Variants in LY6S observed in about 807,000 individuals in gnomAD.
LY6S encodes lymphocyte antigen 6 family member S.
At chr8:143,060,514 C>T in the LY6S span, among the ~76,000 whole-genome samples, 22 of 152,300 alleles carry the variant, frequency 1.4e-4, no homozygotes, top group African/African-American at 4.8e-4. Flanking sequence ...TCTCTCTCTC[C>T]GCCTCGGCTA....
chr8:143,042,891 G>C, the LY6S span: 1 of 704,816 alleles, frequency 1.4e-6, no homozygotes, highest in South Asian at 1.5e-5. Context: ...GTGTTGTTGG[G>C]GGGCATGGGC....
At chr8:143,065,300 T>A in the LY6S span, among the ~76,000 whole-genome samples, 1 of 152,274 alleles carries the variant, frequency 6.6e-6, no homozygotes. Context: ...ACTGTCAGGT[T>A]TGGGAGGTTT....
At chr8:143,051,230 T>A in the LY6S span, among the ~76,000 whole-genome samples, 2 of 152,150 alleles carry the variant, frequency 1.3e-5, no homozygotes, top group African/African-American at 4.8e-5. Flanking sequence ...GCCCATTCTC[T>A]TGACGTAAAT....
the LY6S span, among the ~76,000 whole-genome samples, chr8:143,062,965 T>C: frequency 6.6e-6 from 1 of 152,234 alleles, no homozygotes; most frequent in East Asian, 1.9e-4. Context: ...TCCATTGTTA[T>C]GACAGCTTGG....
At chr8:143,046,467 A>G in the LY6S span, among the ~76,000 whole-genome samples, 4 of 151,892 alleles carry the variant, frequency 2.6e-5, no homozygotes, top group African/African-American at 9.7e-5. Flanking sequence ...AGTCCCAGCT[A>G]CTTGGGAGGC....
At chr8:143,043,383 G>T in the LY6S span, 1 of 541,770 alleles carries the variant, frequency 1.8e-6, no homozygotes, top group East Asian at 7.0e-5. Flanking sequence ...CTGCCCCGGG[G>T]CCTCAGGGGC....
At chr8:143,041,634 G>A in the LY6S span, among the ~76,000 whole-genome samples, 8 of 152,146 alleles carry the variant, frequency 5.3e-5, no homozygotes, top group Admixed American at 3.3e-4. Context: ...GGTATTGATT[G>A]GGGAAGTGAT....
chr8:143,066,001 A>G, the LY6S span: 1 of 354,838 alleles, frequency 2.8e-6, no homozygotes, highest in South Asian at 2.4e-5. Context: ...GCTTCATGAG[A>G]TCCATTCCTG....
chr8:143,044,285 C>T, the LY6S span: 1 of 454,514 alleles, frequency 2.2e-6, no homozygotes, highest in South Asian at 1.6e-5. Flanking sequence ...CACTGGGGTC[C>T]CCAGAGTAGC....
At chr8:143,042,915 C>G in the LY6S span, 1 of 1,035,946 alleles carries the variant, frequency 9.7e-7, no homozygotes, top group Non-Finnish European at 1.4e-6. Flanking sequence ...AGGGCCTGGG[C>G]CCAGAGGACA....
chr8:143,066,937 A>G, the LY6S span, among the ~76,000 whole-genome samples: 1 of 152,176 alleles, frequency 6.6e-6, no homozygotes, highest in Non-Finnish European at 1.5e-5. Context: ...TCATGGGGAA[A>G]AGGCCTCAAA....
chr8:143,059,071 T>A, the LY6S span, among the ~76,000 whole-genome samples: 2 of 152,234 alleles, frequency 1.3e-5, no homozygotes, highest in African/African-American at 4.8e-5. Context: ...TTGTTTTATA[T>A]TTTATTATAC....
the LY6S span, among the ~76,000 whole-genome samples, chr8:143,058,022 G>A: frequency 9.3e-4 from 141 of 152,294 alleles, no homozygotes; most frequent in Admixed American, 2.0e-3. Context: ...TGAGAAGAAA[G>A]AAAGTGGAGG....
At chr8:143,044,215 G>A in the LY6S span, 1,458 of 456,280 alleles carry the variant, frequency 3.2e-3, 10 homozygotes, top group African/African-American at 0.026. Flanking sequence ...CACAGCCTGC[G>A]CCTCTCCTGC....
chr8:143,063,194 G>A, the LY6S span, among the ~76,000 whole-genome samples: 2 of 152,192 alleles, frequency 1.3e-5, no homozygotes, highest in Non-Finnish European at 2.9e-5. Flanking sequence ...AGACAGACTA[G>A]CAGCAAAGGG....
the LY6S span, chr8:143,044,292 T>G: frequency 2.2e-6 from 1 of 453,062 alleles, no homozygotes; most frequent in Non-Finnish European, 4.4e-6. Flanking sequence ...GTCCCCAGAG[T>G]AGCTACAGCA....
At chr8:143,070,934 C>T in the LY6S span, among the ~76,000 whole-genome samples, 1 of 152,216 alleles carries the variant, frequency 6.6e-6, no homozygotes, top group African/African-American at 2.4e-5. Flanking sequence ...CTTCCCAGAG[C>T]ACACACTTTC....
At chr8:143,044,671 C>T in the LY6S span, 4 of 1,366,930 alleles carry the variant, frequency 2.9e-6, no homozygotes, top group Non-Finnish European at 3.9e-6. Flanking sequence ...GCCCTGGCAC[C>T]CCAGGGACTC....
At chr8:143,070,581 G>A in the LY6S span, among the ~76,000 whole-genome samples, 1 of 147,010 alleles carries the variant, frequency 6.8e-6, no homozygotes, top group African/African-American at 2.5e-5. Flanking sequence ...CTGCCTCCTG[G>A]GTTCAAGTGA....
Sources: gnomAD v4.1 joint callset for allele counts (sites outside exome capture counted in the v4.1 genomes callset) on GRCh38, gnomAD v4.1.1 for gene constraint, MANE v1.5 for transcripts, NCBI Gene and HGNC (gene_info 2026-07-23, HGNC 2026-07-21) for gene names.